Variants in TMEM108 observed in about 807,000 individuals in gnomAD.
The protein encoded by TMEM108 is transmembrane protein 108.
TMEM108 carries 12 observed loss-of-function variants against 35.1 expected under a neutral mutation model. That is an observed-to-expected ratio of 0.34 (90% CI 0.22 to 0.55). TMEM108 has a LOEUF of 0.55. Ranked by LOEUF, TMEM108 falls within the 20% of genes least tolerant of loss-of-function variation. TMEM108 has a pLI of 0.89. For missense variants in TMEM108, 680 were observed against 753.3 expected (o/e 0.90, Z 1.14); for synonymous variants, 287 against 308.6 (o/e 0.93, Z 0.73).
At position 133,088,963 on chromosome 3, in the gene TMEM108, G is replaced by A. The variant is rs147480443; in HGVS notation, c.-47+42943G>A. 3.0e-3 allele frequency among the ~76,000 whole-genome samples: 452 copies of A among 152,288 alleles called. 2 individuals carry two copies. The highest frequency in any genetic ancestry group is 0.011 in the African/African-American group (440 of 41,564). On this transcript the variant is annotated intron_variant, in intron 2 of 5. Coordinates refer to ENST00000321871, the MANE Select transcript of TMEM108 (RefSeq NM_023943.4). ...TTCTGCAGGCTGTACCAGAAACATAGCAGCTTCTGCTTCTGGGGAGGCCTC... is the reference window on the plus strand; with the variant it reads ...TTCTGCAGGCTGTACCAGAAACATAACAGCTTCTGCTTCTGGGGAGGCCTC...
At chr3:133,246,137 A>G (rs1946382839) in intron 3 of TMEM108, 1 of 152,202 alleles carries the variant, frequency 6.6e-6, no homozygotes, top group Non-Finnish European at 1.5e-5. Flanking sequence ...ATCACCTTTT[A>G]AATTTAGTTA....
At chr3:133,064,682 A>G (rs1943574402) in intron 2 of TMEM108, among the ~76,000 whole-genome samples, 1 of 152,104 alleles carries the variant, frequency 6.6e-6, no homozygotes, top group African/African-American at 2.4e-5. Flanking sequence ...CCAAATGGGA[A>G]TATAAAGGTT....
At chr3:133,238,151 A>G (rs775223986) in intron 3 of TMEM108, among the ~76,000 whole-genome samples, 9 of 152,020 alleles carry the variant, frequency 5.9e-5, no homozygotes, top group Non-Finnish European at 1.3e-4. Flanking sequence ...ATTCTACCCA[A>G]TAGACAAACA....
chr3:133,223,787 A>G (rs1286822026), intron 2 of TMEM108, among the ~76,000 whole-genome samples: 3 of 152,216 alleles, frequency 2.0e-5, no homozygotes, highest in African/African-American at 7.2e-5. Flanking sequence ...AAATTCTATC[A>G]CTGTGAAAAA....
At chr3:133,080,814 C>G (rs752733184) in intron 2 of TMEM108, among the ~76,000 whole-genome samples, 2 of 152,146 alleles carry the variant, frequency 1.3e-5, no homozygotes, top group Non-Finnish European at 2.9e-5. Context: ...TGGATATTTT[C>G]TCCATTTTTT....
At position 133,269,541 on chromosome 3, in the gene TMEM108, A is replaced by T. The variant is rs540095538; in HGVS notation, c.40+40190A>T. The stretch of plus-strand genomic sequence containing the variant: ...CTAGAGATTAAATGGCTTCATTGGC[A>T]TATGTCCAGATAGAGGAAAAGTGAA... On this transcript the variant is annotated intron_variant, in intron 3 of 5. Coordinates refer to ENST00000321871, the MANE Select transcript of TMEM108 (RefSeq NM_023943.4). Among the ~76,000 whole-genome samples the T allele has an allele frequency of 5.3e-5, 8 of 152,298 alleles. No homozygotes were observed. The South Asian group carries it at 1.4e-3, about 28-fold the overall frequency.
chr3:133,138,223 A>T (rs549518773), intron 2 of TMEM108, among the ~76,000 whole-genome samples: 11 of 152,326 alleles, frequency 7.2e-5, no homozygotes, highest in African/African-American at 2.6e-4. Context: ...AGAAAGTGGG[A>T]GGATTGGTTA....
intron 3 of TMEM108, among the ~76,000 whole-genome samples, chr3:133,296,536 CA>C (rs1385518992): frequency 2.6e-3 from 367 of 141,010 alleles, no homozygotes; most frequent in African/African-American, 8.3e-3. Context: ...GCTAGGCTGC[CA>C]AAAAAAAAAA....
chr3:133,271,328 A>G (rs1161697759), intron 3 of TMEM108, among the ~76,000 whole-genome samples: 1 of 152,190 alleles, frequency 6.6e-6, no homozygotes, highest in African/African-American at 2.4e-5. Context: ...GGAGTTGGAA[A>G]CAACCACAAC....
At chr3:133,134,928 G>A (rs144094704) in intron 2 of TMEM108, among the ~76,000 whole-genome samples, 15 of 151,892 alleles carry the variant, frequency 9.9e-5, no homozygotes, top group African/African-American at 3.4e-4. Flanking sequence ...ATGTCTGTCT[G>A]CTTCCTTAGT....
At chr3:133,195,152 C>T (rs1049650304) in intron 2 of TMEM108, among the ~76,000 whole-genome samples, 1 of 152,138 alleles carries the variant, frequency 6.6e-6, no homozygotes, top group Admixed American at 6.6e-5. Context: ...GAAACGACAA[C>T]TAATTATACT....
At chr3:133,058,566 C>T (rs34311409) in intron 2 of TMEM108, among the ~76,000 whole-genome samples, 13,859 of 152,162 alleles carry the variant, frequency 0.091, 656 homozygotes, top group East Asian at 0.16. Flanking sequence ...GCCTACAGGC[C>T]CTATTGCCCT....
At chr3:133,107,015 T>A (rs1176233665) in intron 2 of TMEM108, among the ~76,000 whole-genome samples, 2 of 152,214 alleles carry the variant, frequency 1.3e-5, no homozygotes, top group African/African-American at 2.4e-5. Flanking sequence ...TTTATTTAAA[T>A]AACGTTGAAC....
At chr3:133,082,863 A>T (rs1050311080) in intron 2 of TMEM108, among the ~76,000 whole-genome samples, 2 of 152,134 alleles carry the variant, frequency 1.3e-5, no homozygotes, top group Non-Finnish European at 2.9e-5. Context: ...TCTATCGTCC[A>T]GGCTGGTCTT....
At chr3:133,046,991 T>C (rs943444456) in intron 2 of TMEM108, among the ~76,000 whole-genome samples, 1 of 152,206 alleles carries the variant, frequency 6.6e-6, no homozygotes, top group African/African-American at 2.4e-5. Flanking sequence ...CGGGGCCTCA[T>C]GTGGCTCAGT....
At chr3:133,077,294 G>T (rs1943754150) in intron 2 of TMEM108, among the ~76,000 whole-genome samples, 1 of 152,172 alleles carries the variant, frequency 6.6e-6, no homozygotes, top group African/African-American at 2.4e-5. Flanking sequence ...ATTTAATTGT[G>T]CTTTGTTATT....
chr3:133,331,948 G>T (rs139222914), intron 3 of TMEM108, among the ~76,000 whole-genome samples: 14 of 152,316 alleles, frequency 9.2e-5, no homozygotes, highest in African/African-American at 3.4e-4. Flanking sequence ...AGGTCTGAAC[G>T]TATAGACCAT....
chr3:133,146,241 G>T (rs1049641613), intron 2 of TMEM108, among the ~76,000 whole-genome samples: 2 of 152,164 alleles, frequency 1.3e-5, no homozygotes, highest in Non-Finnish European at 2.9e-5. Flanking sequence ...TTTGTCATTG[G>T]TTCTGTTTAT....
chr3:133,083,177 C>CGA (rs1262966066), intron 2 of TMEM108, among the ~76,000 whole-genome samples: 3 of 132,684 alleles, frequency 2.3e-5, no homozygotes, highest in Non-Finnish European at 1.6e-5. Context: ...AAAGCCCCCC[C>CGA]CCACCCCCCG....
Sources: gnomAD v4.1 joint callset for allele counts (sites outside exome capture counted in the v4.1 genomes callset) on GRCh38, gnomAD v4.1.1 for gene constraint, MANE v1.5 for transcripts, NCBI Gene and HGNC (gene_info 2026-07-23, HGNC 2026-07-21) for gene names.